The following NT5DC1 variants were observed in gnomAD, a reference collection of about 807,000 sequenced individuals.
NT5DC1 encodes the protein 5'-nucleotidase domain-containing protein 1.
NT5DC1 carries 42 observed loss-of-function variants against 59.4 expected under a neutral mutation model. That is an observed-to-expected ratio of 0.71 (90% CI 0.55 to 0.92). NT5DC1 has a LOEUF of 0.92. Ranked by LOEUF, NT5DC1 falls within the 40% of genes least tolerant of loss-of-function variation. The pLI is 0.00. For synonymous variants in NT5DC1, 172 were observed against 188.1 expected, an observed-to-expected ratio of 0.91 and a Z score of 0.70; for missense variants, 501 against 537.1, an observed-to-expected ratio of 0.93 and a Z score of 0.66.
chr6:116,191,466 CTTAG>C (rs1781116069), intron 6 of NT5DC1, among the ~76,000 whole-genome samples: 1 of 152,058 alleles, frequency 6.6e-6, no homozygotes, highest in South Asian at 2.1e-4. Flanking sequence ...GAGGTTTCTA[CTTAG>C]TAAGTGCTTC....
intron 6 of NT5DC1, chr6:116,120,767 G>A (rs374996283): frequency 5.6e-6 from 9 of 1,612,686 alleles, no homozygotes; most frequent in Non-Finnish European, 7.6e-6. Context: ...AGGGCCTCTA[G>A]TACCTGGTAT....
intron 6 of NT5DC1, among the ~76,000 whole-genome samples, chr6:116,186,438 G>A (rs919682233): frequency 6.6e-6 from 1 of 151,806 alleles, no homozygotes; most frequent in Non-Finnish European, 1.5e-5. Context: ...GCAAGGCTGG[G>A]GAAGTTGTCC....
chr6:116,201,093 G>A (rs143530401), intron 6 of NT5DC1, among the ~76,000 whole-genome samples: 2 of 151,998 alleles, frequency 1.3e-5, no homozygotes, highest in African/African-American at 4.8e-5. Context: ...GTACCAACTT[G>A]CCCAAGAGGT....
At chr6:116,243,847 G>T in intron 11 of NT5DC1, 62 bp from the exon 12 acceptor site, 1 of 644,456 alleles carries the variant, frequency 1.6e-6, no homozygotes, top group South Asian at 2.1e-5. Flanking sequence ...ATCAAGTTTT[G>T]ATTTGTTTAT....
At chr6:116,204,270 T>TTA (rs1282591754) in intron 6 of NT5DC1, among the ~76,000 whole-genome samples, 1 of 151,994 alleles carries the variant, frequency 6.6e-6, no homozygotes, top group Non-Finnish European at 1.5e-5. Flanking sequence ...ATTTACTCAG[T>TTA]TGAATACAAC....
chr6:116,136,149 G>C (rs1310365963), intron 6 of NT5DC1, among the ~76,000 whole-genome samples: 1 of 151,868 alleles, frequency 6.6e-6, no homozygotes, highest in East Asian at 1.9e-4. Context: ...TATGAATTTT[G>C]ACTTTTTTAG....
At chr6:116,222,645 C>T (rs1483256328) in intron 7 of NT5DC1, among the ~76,000 whole-genome samples, 3 of 152,158 alleles carry the variant, frequency 2.0e-5, no homozygotes, top group African/African-American at 7.2e-5. Context: ...CCATGTAACA[C>T]ACAAAATTGT....
intron 6 of NT5DC1, among the ~76,000 whole-genome samples, chr6:116,220,705 TAA>T (rs1325374101): frequency 6.6e-6 from 1 of 152,236 alleles, no homozygotes; most frequent in Non-Finnish European, 1.5e-5. Flanking sequence ...ATTGAATAAT[TAA>T]AAGAGTATTT....
At chr6:116,177,911 G>C (rs1450077671) in intron 6 of NT5DC1, among the ~76,000 whole-genome samples, 1 of 152,132 alleles carries the variant, frequency 6.6e-6, no homozygotes, top group South Asian at 2.1e-4. Context: ...ACTTTTGCTA[G>C]AATACATTTA....
chr6:116,153,601 A>G (rs1454207837), intron 6 of NT5DC1, among the ~76,000 whole-genome samples: 1 of 152,088 alleles, frequency 6.6e-6, no homozygotes, highest in Non-Finnish European at 1.5e-5. Context: ...GAATATAGTT[A>G]CCTCTATTAG....
At chr6:116,208,691 G>A (rs909084991) in intron 6 of NT5DC1, among the ~76,000 whole-genome samples, 1 of 152,012 alleles carries the variant, frequency 6.6e-6, no homozygotes, top group Admixed American at 6.6e-5. Context: ...TCAGCCCTAG[G>A]CTTGTAGTGT....
intron 6 of NT5DC1, among the ~76,000 whole-genome samples, chr6:116,185,861 C>T (rs1335034317): frequency 6.6e-6 from 1 of 152,086 alleles, no homozygotes; most frequent in African/African-American, 2.4e-5. Context: ...AGGCCCTTTA[C>T]ATTCAACGTT....
intron 4 of NT5DC1, among the ~76,000 whole-genome samples, chr6:116,114,383 A>G (rs1251521571): frequency 1.3e-5 from 2 of 152,076 alleles, no homozygotes; most frequent in African/African-American, 4.8e-5. Flanking sequence ...CTGCATTCCA[A>G]AGTAATCTAT....
intron 1 of NT5DC1, 26 bp from the exon 2 acceptor site, chr6:116,106,218 T>C: frequency 9.2e-7 from 1 of 1,086,142 alleles, no homozygotes; most frequent in Non-Finnish European, 1.4e-6. Flanking sequence ...TTATATTTAA[T>C]CTGTTTTTCT....
At chr6:116,158,259 A>G (rs1780249832) in intron 6 of NT5DC1, among the ~76,000 whole-genome samples, 1 of 149,858 alleles carries the variant, frequency 6.7e-6, no homozygotes, top group Non-Finnish European at 1.5e-5. Flanking sequence ...TGCTACCTCG[A>G]TGAAGATACA....
At chr6:116,173,749 A>G (rs1324284962) in intron 6 of NT5DC1, among the ~76,000 whole-genome samples, 1 of 152,204 alleles carries the variant, frequency 6.6e-6, no homozygotes, top group Admixed American at 6.5e-5. Context: ...TGATAAAGAC[A>G]ATATAGAGTG....
intron 6 of NT5DC1, among the ~76,000 whole-genome samples, chr6:116,205,960 G>A (rs1781441420): frequency 1.3e-5 from 2 of 151,898 alleles, no homozygotes; most frequent in Admixed American, 6.6e-5. Context: ...GGTTCTAATA[G>A]CTACCCCAAG....
In NT5DC1 at chr6:116,121,134, C is replaced by T. The variant is rs762743318; in HGVS notation, c.529+3189C>T. 2 of 1,613,536 alleles carry T rather than the reference C, an allele frequency of 1.2e-6. No homozygotes were observed. Among genetic ancestry groups the T allele is most frequent in the Non-Finnish European group, 1.7e-6 (2 of 1,179,732 alleles). ...AGACCTGGCTTCCCAGGAAGACCTG[C>T]TGGCCCTTGTTCCCCTTTGGCACCT... On this transcript the variant is annotated intron_variant, in intron 6 of 11. Coordinates refer to ENST00000319550, the MANE Select transcript of NT5DC1 (RefSeq NM_152729.3).
intron 2 of NT5DC1, among the ~76,000 whole-genome samples, chr6:116,106,595 T>C (rs911793878): frequency 6.6e-6 from 1 of 152,236 alleles, no homozygotes; most frequent in African/African-American, 2.4e-5. Flanking sequence ...TATTTTCATA[T>C]AGTTTAAGTT....
Sources: allele counts gnomAD v4.1 joint callset (sites outside exome capture counted in the v4.1 genomes callset), GRCh38; gene constraint gnomAD v4.1.1; transcripts MANE v1.5; gene names NCBI Gene and HGNC (gene_info 2026-07-23, HGNC 2026-07-21).